Variants in ELAVL4 observed in about 807,000 individuals in gnomAD.
ELAVL4 encodes the protein ELAV like RNA binding protein 4, also known as ELAV-like protein 4.
Under a neutral mutation model 35.6 loss-of-function variants are expected in ELAVL4, and 1 was observed. The ratio of observed to expected loss-of-function variants is 0.03; its 90% CI spans 0.01 to 0.13. The LOEUF is 0.13. Among genes scored for constraint, ELAVL4 ranks in the 10% least tolerant of loss-of-function variants. The pLI, the probability that ELAVL4 is intolerant of heterozygous loss-of-function variation, is 1.00. For synonymous variants in ELAVL4, 156 were observed against 171.0 expected (o/e 0.91, Z 0.69); for missense variants, 267 against 464.9 (o/e 0.57, Z 3.91).
chr1:50,183,470 G>C (rs562863386), intron 3 of ELAVL4, among the ~76,000 whole-genome samples: 1 of 152,262 alleles, frequency 6.6e-6, no homozygotes, highest in Non-Finnish European at 1.5e-5. Flanking sequence ...GAAGGGGAAG[G>C]TGTGTGAGGG....
intron 1 of ELAVL4, among the ~76,000 whole-genome samples, chr1:50,134,037 C>T (rs1671482884): frequency 6.6e-6 from 1 of 152,146 alleles, no homozygotes; most frequent in South Asian, 2.1e-4. Flanking sequence ...CTTCCTCACC[C>T]TGGTTATGTT....
At chr1:50,079,501 C>G (rs1212235805) in intron 1 of ELAVL4, among the ~76,000 whole-genome samples, 2 of 152,148 alleles carry the variant, frequency 1.3e-5, no homozygotes, top group East Asian at 3.9e-4. Flanking sequence ...TCTTTATACC[C>G]TATGTTGATC....
chr1:50,174,652 A>G (rs1239192644), intron 2 of ELAVL4: 4 of 152,148 alleles, frequency 2.6e-5, no homozygotes, highest in Non-Finnish European at 5.9e-5. Flanking sequence ...GACATGATAC[A>G]TCTTGCTGGG....
At chr1:50,071,100 C>T (rs1664496398) in intron 1 of ELAVL4, among the ~76,000 whole-genome samples, 1 of 152,156 alleles carries the variant, frequency 6.6e-6, no homozygotes, top group Non-Finnish European at 1.5e-5. Flanking sequence ...CAGGCTTCTG[C>T]TCTCAAGGAC....
chr1:50,172,520 C>T (rs1025129256), intron 2 of ELAVL4, among the ~76,000 whole-genome samples: 1 of 152,180 alleles, frequency 6.6e-6, no homozygotes, highest in African/African-American at 2.4e-5. Context: ...CAAATTGGGC[C>T]ACTACTGCCT....
intron 1 of ELAVL4, among the ~76,000 whole-genome samples, chr1:50,123,938 A>G (rs1669457720): frequency 1.3e-5 from 2 of 151,878 alleles, no homozygotes; most frequent in African/African-American, 4.8e-5. Flanking sequence ...TCAAATGTTT[A>G]TTTTTCTAGG....
intron 2 of ELAVL4, among the ~76,000 whole-genome samples, chr1:50,172,335 G>A (rs1445565998): frequency 6.6e-6 from 1 of 152,184 alleles, no homozygotes; most frequent in Non-Finnish European, 1.5e-5. Flanking sequence ...AACTACTGGA[G>A]ATAATTTACT....
chr1:50,109,951 A>G (rs1400983164), intron 1 of ELAVL4: 1 of 1,612,206 alleles, frequency 6.2e-7, no homozygotes, highest in Non-Finnish European at 8.5e-7. Flanking sequence ...ATGGAGTGGA[A>G]TGGCTTGAAG....
At chr1:50,183,094 G>A (rs933100710) in intron 3 of ELAVL4, among the ~76,000 whole-genome samples, 14 of 152,114 alleles carry the variant, frequency 9.2e-5, no homozygotes, top group Non-Finnish European at 7.4e-5. Context: ...CTGACCTCAA[G>A]TGATCTGCCC....
At chr1:50,050,177 T>G (rs1421155188) in intron 1 of ELAVL4, among the ~76,000 whole-genome samples, 1 of 152,228 alleles carries the variant, frequency 6.6e-6, no homozygotes, top group African/African-American at 2.4e-5. Context: ...CTCGTAAAGT[T>G]GACATGAGAA....
At chr1:50,150,418 T>A (rs1674572627) in intron 2 of ELAVL4, among the ~76,000 whole-genome samples, 2 of 152,228 alleles carry the variant, frequency 1.3e-5, no homozygotes, top group Admixed American at 6.5e-5. Flanking sequence ...ACAACTCTAA[T>A]TAAAGGAACC....
At chr1:50,106,001 C>CT (rs898430864), upstream of ELAVL4, 48 of 302,546 alleles carry the variant, frequency 1.6e-4, no homozygotes, top group South Asian at 2.7e-4. Context: ...CCCCCCTCTT[C>CT]TTTTTTTTCC....
At chr1:50,082,619 G>C (rs2148497444) in intron 1 of ELAVL4, among the ~76,000 whole-genome samples, 1 of 152,190 alleles carries the variant, frequency 6.6e-6, no homozygotes, top group East Asian at 1.9e-4. Flanking sequence ...CTCCTATTCT[G>C]TAAGTTGGAC....
At chr1:50,167,923 C>G (rs1414332595) in intron 2 of ELAVL4, among the ~76,000 whole-genome samples, 1 of 152,196 alleles carries the variant, frequency 6.6e-6, no homozygotes, top group Non-Finnish European at 1.5e-5. Flanking sequence ...AGTCCCTGAC[C>G]ATCCAGCCAA....
intron 1 of ELAVL4, chr1:50,109,995 T>C: frequency 1.2e-6 from 2 of 1,610,558 alleles, no homozygotes; most frequent in Non-Finnish European, 1.7e-6. Context: ...AGCCTGGAGG[T>C]CCCAGCCCTG....
chr1:50,149,499 G>A (rs12057241), intron 2 of ELAVL4, among the ~76,000 whole-genome samples: 7,520 of 148,036 alleles, frequency 0.051, 634 homozygotes, highest in African/African-American at 0.18. Flanking sequence ...AAAAAGAATT[G>A]TATTTTTACT....
intron 1 of ELAVL4, among the ~76,000 whole-genome samples, chr1:50,070,335 G>C (rs952452268): frequency 3.3e-5 from 5 of 152,330 alleles, no homozygotes; most frequent in Non-Finnish European, 7.4e-5. Context: ...ATTTGACAGT[G>C]ACTTATTGGG....
intron 2 of ELAVL4, among the ~76,000 whole-genome samples, chr1:50,153,170 G>A (rs373025667): frequency 2.0e-5 from 3 of 152,208 alleles, no homozygotes; most frequent in Non-Finnish European, 2.9e-5. Context: ...CAAGAGGGAA[G>A]TGGAGGTTGT....
At chr1:50,048,639 T>A (rs866195708) in intron 1 of ELAVL4, among the ~76,000 whole-genome samples, 1 of 152,262 alleles carries the variant, frequency 6.6e-6, no homozygotes. Context: ...CCCGAGGCGC[T>A]GGGCGCGCGG....
Sources: gnomAD v4.1 joint callset for allele counts (sites outside exome capture counted in the v4.1 genomes callset) on GRCh38, gnomAD v4.1.1 for gene constraint, MANE v1.5 for transcripts, NCBI Gene and HGNC (gene_info 2026-07-23, HGNC 2026-07-21) for gene names.